The following CYLD variants were observed in gnomAD, a reference collection of about 807,000 sequenced individuals.
The protein encoded by CYLD is CYLD lysine 63 deubiquitinase.
A neutral mutation model predicts 104.5 loss-of-function variants in CYLD; 26 were observed. The ratio of observed to expected loss-of-function variants is 0.25; its 90% CI spans 0.18 to 0.35. The LOEUF is 0.35. CYLD is among the 10% of genes least tolerant of loss of function. The pLI is 1.00. For synonymous variants in CYLD, 385 were observed against 399.9 expected (o/e 0.96, Z 0.45); for missense variants, 703 against 1,136.1 (o/e 0.62, Z 5.48).
rs1386809033 is a variant in CYLD at position 50,754,404 on chromosome 16, A to G, written c.893A>G (p.His298Arg). 2 of 1,609,292 alleles carry G rather than the reference A, an allele frequency of 1.2e-6. No homozygotes were observed. Among genetic ancestry groups the G allele is most frequent in the Non-Finnish European group, 1.7e-6 (2 of 1,176,024 alleles). The change falls in exon 5 of 19, where the codon CAC becomes CGC. Residue 298 changes from histidine to arginine, a missense_variant. This residue lies in a region of CYLD where 123 missense variants were observed against 213.3 expected (regional missense o/e 0.58). Transcript: ENST00000427738. The part of the protein sequence containing the change: ...FACVESTILL[H>R]INDIIPALSE... Reference sequence around the variant, plus strand: ...TGTGTTGAAAGTACAATTCTATTGCACATCAATGATATCATCCCAGGTATG... The same window carrying G: ...TGTGTTGAAAGTACAATTCTATTGCGCATCAATGATATCATCCCAGGTATG...
rs1972182136 is a variant in CYLD at position 50,797,951 on chromosome 16, T to A, written c.*1443T>A. 1 of 232,104 alleles carries A rather than the reference T, an allele frequency of 4.3e-6. No individual in the cohort carries two copies. The highest frequency in any genetic ancestry group is 2.2e-5 in the African/African-American group (1 of 45,290). The allele number at this position is 232,104 out of a possible 1,614,324, so 14.4% of individuals were successfully genotyped here. On this transcript the variant is annotated 3_prime_UTR_variant, in exon 19 of 19. Coordinates refer to ENST00000427738, the MANE Select transcript of CYLD (RefSeq NM_001378743.1). ...CATTTTTGAAGTGAAAAAGTACATA[T>A]ATTTTGCACAAGGTTTTATACTGCT...
In CYLD at chr16:50,799,891, C is replaced by T. The variant is rs1972334814; in HGVS notation, c.*3383C>T. ...TAACTGCCAACCAAGAAGTATTTATCGGACACTTACTAGGTGCCTAGGATT... is the reference window on the plus strand; with the variant it reads ...TAACTGCCAACCAAGAAGTATTTATTGGACACTTACTAGGTGCCTAGGATT... On this transcript the variant is annotated 3_prime_UTR_variant, in exon 19 of 19. Transcript: ENST00000427738. 1.3e-5 allele frequency: 3 copies of T among 232,824 alleles called. No individual in the cohort carries two copies. The highest frequency in any genetic ancestry group is 2.2e-5 in the African/African-American group (1 of 45,280). The allele number at this position is 232,824 out of a possible 1,614,324, so 14.4% of individuals were successfully genotyped here.
intron 11 of CYLD, among the ~76,000 whole-genome samples, chr16:50,782,852 G>A (rs1178570137): frequency 1.3e-5 from 2 of 150,228 alleles, no homozygotes; most frequent in Non-Finnish European, 3.0e-5. Flanking sequence ...TTAAAAAAAC[G>A]ATTTTCAGTA....
In CYLD at chr16:50,791,680, A is replaced by G; in HGVS notation, c.2231A>G (p.Lys744Arg). ...TGGTCTTTTATCAACAGTAACCTGA[A>G]ATTTGCAGAGGTTAGTGATACTCAC... is the stretch of plus-strand genomic sequence containing the variant. ...LEWSFINSNL[K>R]FAEAPSCLII... Residue 744 changes from lysine (K) to arginine (R), a missense_variant, in exon 15 of 19, where the codon AAA becomes AGA. Coordinates refer to ENST00000427738, the MANE Select transcript of CYLD (RefSeq NM_001378743.1). 1 of 1,613,858 alleles carries G rather than the reference A, an allele frequency of 6.2e-7. No homozygotes were observed. Among genetic ancestry groups the G allele is most frequent in the Non-Finnish European group, 8.5e-7 (1 of 1,179,866 alleles).
At position 50,794,543 on chromosome 16, in the gene CYLD, TA is replaced by T; in HGVS notation, c.2686+116del. The T allele has an allele frequency of 9.9e-7, 1 of 1,009,856 alleles. No homozygotes were observed. The highest frequency in any genetic ancestry group is 1.6e-6 in the Non-Finnish European group (1 of 641,304). 62.6% of individuals were successfully genotyped at this position (1,009,856 alleles called of 1,614,324 possible). A position where few individuals can be genotyped will look rare whatever the true frequency, so the allele number is the denominator to read the frequency against. On this transcript the variant is annotated intron_variant, in intron 18 of 18. Transcript: ENST00000427738. This position sits in a 1 kb window ranked among gnomAD's most constrained non-coding sequence, Gnocchi z 4.1. ...TTTTCTGAGAAAATCCTTTCAGGAT[TA>T]TTCTGGTGACAACAGTCTTATATCT...
intron 5 of CYLD, among the ~76,000 whole-genome samples, chr16:50,755,537 CT>C (rs1390405947): frequency 6.6e-6 from 1 of 152,098 alleles, no homozygotes; most frequent in Non-Finnish European, 1.5e-5. Flanking sequence ...ATGCCAACAT[CT>C]ATTCTTTTTT....
chr16:50,755,192 T>C (rs1292797130), intron 5 of CYLD, among the ~76,000 whole-genome samples: 1 of 143,546 alleles, frequency 7.0e-6, no homozygotes, highest in African/African-American at 2.6e-5. Flanking sequence ...TATACACACG[T>C]GTACATATGT....
At chr16:50,773,368 G>A (rs1229534857) in intron 5 of CYLD, among the ~76,000 whole-genome samples, 1 of 152,152 alleles carries the variant, frequency 6.6e-6, no homozygotes, top group Non-Finnish European at 1.5e-5. Flanking sequence ...TATACATAAT[G>A]GATACTTTTG....
intron 14 of CYLD, among the ~76,000 whole-genome samples, chr16:50,789,355 T>C (rs1004785622): frequency 1.2e-4 from 19 of 152,226 alleles, no homozygotes; most frequent in African/African-American, 4.3e-4. Context: ...TTCAGATGCT[T>C]AAAACAGTTG....
chr16:50,747,541 G>A (rs572187505), intron 2 of CYLD, among the ~76,000 whole-genome samples: 7 of 152,300 alleles, frequency 4.6e-5, no homozygotes, highest in Non-Finnish European at 8.8e-5. Context: ...ATTTTCTTGT[G>A]GAAAGTGTTG....
At chr16:50,784,905 A>G (rs1465794113) in intron 12 of CYLD, 4 of 167,962 alleles carry the variant, frequency 2.4e-5, no homozygotes, top group Non-Finnish European at 3.8e-5. Context: ...ACTTTGGACT[A>G]GCAACAGATG....
intron 2 of CYLD, among the ~76,000 whole-genome samples, chr16:50,744,069 AAT>A (rs1965964440): frequency 6.6e-6 from 1 of 152,210 alleles, no homozygotes; most frequent in Admixed American, 6.5e-5. Flanking sequence ...GGCACTGGAT[AAT>A]ATAAAAATGA....
At chr16:50,750,751 G>T (rs1966554867) in intron 3 of CYLD, among the ~76,000 whole-genome samples, 1 of 152,028 alleles carries the variant, frequency 6.6e-6, no homozygotes, top group Non-Finnish European at 1.5e-5. Context: ...GTTGTAAATA[G>T]TTACATAAAA....
At position 50,791,568 on chromosome 16, in the gene CYLD, C is replaced by A; in HGVS notation, c.2119C>A (p.Gln707Lys). 5.6e-6 allele frequency: 9 copies of A among 1,613,722 alleles called. No individual in the cohort carries two copies. Among genetic ancestry groups the A allele is most frequent in the Non-Finnish European group, 6.8e-6 (8 of 1,179,798 alleles). The change falls in exon 15 of 19, where the codon CAA (glutamine) becomes AAA (lysine). Residue 707 changes from glutamine to lysine, a missense_variant. By Grantham distance (53) the Gln-to-Lys change is moderately conservative. Around this residue, in one of 5 missense-constraint regions of CYLD, gnomAD observed 125 missense variants for 325.4 expected, o/e 0.38. Coordinates refer to ENST00000427738, the MANE Select transcript of CYLD (RefSeq NM_001378743.1). ...EPLLKIRSAG[Q>K]KVQDCYFYQI... ...TCTGCGTGTTTTTAGATCAGCAGGT[C>A]AAAAGGTACAAGATTGTTACTTCTA... is the stretch of plus-strand genomic sequence containing the variant.
intron 5 of CYLD, among the ~76,000 whole-genome samples, chr16:50,757,056 C>G (rs1176886600): frequency 1.3e-5 from 2 of 152,050 alleles, no homozygotes; most frequent in Non-Finnish European, 2.9e-5. Flanking sequence ...TCTATAAAAG[C>G]TGAATTTTGC....
chr16:50,751,682 G>A lies in CYLD; in HGVS notation c.583G>A (p.Val195Met), dbSNP rs756244138. 10 of 1,613,770 alleles carry A rather than the reference G, an allele frequency of 6.2e-6. No homozygotes were observed. The highest frequency in any genetic ancestry group is 1.3e-5 in the African/African-American group (1 of 74,996). The stretch of plus-strand genomic sequence containing the variant: ...TTTTCAGTGTGATGAAGATTGTGGC[G>A]TGTTTGTTGCATTGGACAAGCTAGA... ...QLFQCDEDCGVFVALDKLELI... is the reference protein window; with the variant it reads ...QLFQCDEDCGMFVALDKLELI... Residue 195 changes from valine (V) to methionine (M), a missense_variant, in exon 4 of 19, where the codon GTG (valine) becomes ATG (methionine). Coordinates refer to ENST00000427738, the MANE Select transcript of CYLD (RefSeq NM_001378743.1).
intron 5 of CYLD, among the ~76,000 whole-genome samples, chr16:50,771,031 T>C (rs1180175678): frequency 6.6e-6 from 1 of 152,204 alleles, no homozygotes; most frequent in African/African-American, 2.4e-5. Flanking sequence ...TCGACAACTT[T>C]TGTTTAGCTC....
chr16:50,771,962 C>T (rs375224806), intron 5 of CYLD, among the ~76,000 whole-genome samples: 3 of 152,186 alleles, frequency 2.0e-5, no homozygotes, highest in African/African-American at 7.2e-5. Flanking sequence ...CTGCGGCTAA[C>T]TAGTAAGTCT....
At chr16:50,787,675 A>C in intron 13 of CYLD, 111 bp from the exon 14 acceptor site, 1 of 629,492 alleles carries the variant, frequency 1.6e-6, no homozygotes, top group South Asian at 1.9e-5. Context: ...TTGAAATAAT[A>C]TTGGATGAAT....
Sources: allele counts gnomAD v4.1 joint callset (sites outside exome capture counted in the v4.1 genomes callset), GRCh38; gene constraint gnomAD v4.1.1; regional missense constraint gnomAD v4.1.1; non-coding constraint Gnocchi (gnomAD v3.1); transcripts MANE v1.5; gene names NCBI Gene and HGNC (gene_info 2026-07-23, HGNC 2026-07-21).